The following SLC4A11 variants were observed in gnomAD, a reference collection of about 807,000 sequenced individuals.
The protein encoded by SLC4A11 is bicarbonate transporter related protein 1.
SLC4A11 carries 74 observed loss-of-function variants against 95.0 expected under a neutral mutation model. The ratio of observed to expected loss-of-function variants is 0.78; its 90% CI spans 0.65 to 0.95. The LOEUF (loss-of-function observed/expected upper bound fraction) is 0.95. Ranked by LOEUF, SLC4A11 falls within the 40% of genes least tolerant of loss-of-function variation. The pLI is 0.00. For synonymous variants in SLC4A11, 548 were observed against 519.0 expected (o/e 1.06, Z -0.76); for missense variants, 1,081 against 1,192.4 (o/e 0.91, Z 1.38).
At chr20:3,237,818 G>A in intron 1 of SLC4A11, 1 of 1,571,890 alleles carries the variant, frequency 6.4e-7, no homozygotes, top group South Asian at 1.1e-5. Flanking sequence ...CATCTGCTAG[G>A]GGCTGCCCAG....
chr20:3,228,144 C>CCCCAAA, intron 19 of SLC4A11, 115 bp downstream of exon 19: 15 of 718,206 alleles, frequency 2.1e-5, no homozygotes, highest in Non-Finnish European at 3.4e-5. Context: ...GCACCCACCC[C>CCCCAAA]AACCCGCCCA....
rs755419192 is a variant in SLC4A11, at chr20:3,234,655, C to G, written c.242-38G>C. 2.5e-6 allele frequency: 4 copies of G among 1,613,782 alleles called. No homozygotes were observed. The African/African-American group carries it at 5.3e-5, about 22-fold the overall frequency. ...AGCGGGGAGGGCTCAGGGTGCCACC[C>G]TCTCCTCAGGTCTTTCTTAGTAAGG... On this transcript the variant is annotated intron_variant, in intron 3 of 19. Coordinates refer to ENST00000642402, the MANE Select transcript of SLC4A11 (RefSeq NM_001174089.2). This position sits in a 1 kb window ranked among gnomAD's most constrained non-coding sequence, Gnocchi z 5.8.
Position 3,227,455 on chromosome 20 carries a change from G to A in SLC4A11, c.*332C>T, listed in dbSNP as rs759332731. ...ACAGGAGCTTTATTCTCTAATGTGC[G>A]TCCAGCAAGTTCCTTACACAATCAA... On this transcript the variant is annotated 3_prime_UTR_variant, in exon 20 of 20. Transcript: ENST00000642402. 1.9e-5 allele frequency: 7 copies of A among 365,212 alleles called. No individual in the cohort carries two copies. Among genetic ancestry groups the A allele is most frequent in the African/African-American group, 6.2e-5 (3 of 48,260 alleles). 22.6% of individuals were successfully genotyped at this position (365,212 alleles called of 1,614,324 possible). A position where few individuals can be genotyped will look rare whatever the true frequency, so the allele number is the denominator to read the frequency against.
At position 3,230,069 on chromosome 20, in the gene SLC4A11, T is replaced by A. The variant is rs910010636; in HGVS notation, c.1489+118A>T. ...CAAGGCTCCCAGAGCACCGCACCCT[T>A]GATCACGGGCACACACTCAGCTTGA... On this transcript the variant is annotated intron_variant, in intron 13 of 19. Coordinates refer to ENST00000642402, the MANE Select transcript of SLC4A11 (RefSeq NM_001174089.2). 4 of 1,305,656 alleles carry A rather than the reference T, an allele frequency of 3.1e-6. No individual in the cohort carries two copies. In the Admixed American group the frequency reaches 5.1e-5, roughly 17 times the overall value. 80.9% of individuals were successfully genotyped at this position (1,305,656 alleles called of 1,614,324 possible).
At chr20:3,229,497 C>T (rs2067677951) in intron 14 of SLC4A11, 27 bp downstream of exon 14, 1 of 1,612,676 alleles carries the variant, frequency 6.2e-7, no homozygotes, top group Non-Finnish European at 8.5e-7. Flanking sequence ...CCCATGCGGC[C>T]CCTCCCCTCC....
Position 3,227,693 on chromosome 20 carries a change from G to T in SLC4A11, c.*94C>A. ...CCATGAGAAGGCGCAGCACAGAGCA[G>T]TCACCCACACACCTACACCTCCCCT... On this transcript the variant is annotated 3_prime_UTR_variant, in exon 20 of 20. Coordinates refer to ENST00000642402, the MANE Select transcript of SLC4A11 (RefSeq NM_001174089.2). 1 of 1,359,748 alleles carries T rather than the reference G, an allele frequency of 7.4e-7. No individual in the cohort carries two copies. The highest frequency in any genetic ancestry group is 1.0e-6 in the Non-Finnish European group (1 of 970,482). The allele number at this position is 1,359,748 out of a possible 1,614,324, so 84.2% of individuals were successfully genotyped here.
rs200017060 is a variant in SLC4A11, at chr20:3,230,433, C to T, written c.1415+82G>A. The T allele has an allele frequency of 6.2e-4, 998 of 1,605,294 alleles. 15 individuals are homozygous for T. The South Asian group carries it at 9.4e-3, about 15-fold the overall frequency. ...TTGGGGCAGCAATATGGTGGGGGCACCCCCACCACCCTGGGGTTACAGGGG... is the reference window on the plus strand; with the variant it reads ...TTGGGGCAGCAATATGGTGGGGGCATCCCCACCACCCTGGGGTTACAGGGG... On this transcript the variant is annotated intron_variant, in intron 12 of 19. Coordinates refer to ENST00000642402, the MANE Select transcript of SLC4A11 (RefSeq NM_001174089.2).
intron 13 of SLC4A11, 23 bp downstream of exon 13, chr20:3,230,164 A>G (rs2067705518): frequency 6.2e-7 from 1 of 1,613,142 alleles, no homozygotes; most frequent in South Asian, 1.1e-5. Context: ...CCTGTTCAGC[A>G]GGTGGCCCCC....
chr20:3,239,275 C>A, upstream of SLC4A11: 1 of 1,193,716 alleles, frequency 8.4e-7, no homozygotes, highest in Non-Finnish European at 1.0e-6. Context: ...TAATGCCGCT[C>A]AGACGCCGCG....
In SLC4A11 at chr20:3,231,901, A is replaced by G. The variant is rs1319799156; in HGVS notation, c.730-353T>C. Among the ~76,000 whole-genome samples, 1 of 152,040 alleles carries G rather than the reference A, an allele frequency of 6.6e-6. No individual in the cohort carries two copies. Among genetic ancestry groups the G allele is most frequent in the Admixed American group, 6.6e-5 (1 of 15,264 alleles). ...TCAAACTCCTGGCCTCAAGCAATCCATCTGTCTAGGCCTCCCAAAGTGCTG... is the reference window on the plus strand; with the variant it reads ...TCAAACTCCTGGCCTCAAGCAATCCGTCTGTCTAGGCCTCCCAAAGTGCTG... On this transcript the variant is annotated intron_variant, in intron 7 of 19. Transcript: ENST00000642402. The surrounding 1 kb of genome is among the most constrained non-coding windows in gnomAD (Gnocchi z 5.2).
intron 1 of SLC4A11, 79 bp downstream of exon 1, chr20:3,239,016 C>G (rs2068075271): frequency 2.1e-6 from 3 of 1,428,820 alleles, no homozygotes; most frequent in East Asian, 6.2e-5. Flanking sequence ...CATCCGCGTT[C>G]TCCCCGGGGT....
intron 2 of SLC4A11, among the ~76,000 whole-genome samples, chr20:3,235,280 G>A (rs2067933552): frequency 9.9e-6 from 1 of 101,146 alleles, no homozygotes; most frequent in Admixed American, 1.0e-4. Flanking sequence ...CAGTATCCAC[G>A]TCTCTCTCTC....
chr20:3,227,976 AC>A, intron 19 of SLC4A11, 120 bp from the exon 20 acceptor site: 2 of 451,294 alleles, frequency 4.4e-6, no homozygotes, highest in Non-Finnish European at 6.2e-6. Context: ...CCGCCCGCCT[AC>A]CCCCAGCCCA....
intron 12 of SLC4A11, 50 bp downstream of exon 12, chr20:3,230,465 C>A: frequency 1.2e-6 from 2 of 1,612,804 alleles, no homozygotes; most frequent in Non-Finnish European, 1.7e-6. Flanking sequence ...GGGGGCTGAA[C>A]CAGATCCCAA....
Position 3,234,455 on chromosome 20 carries a change from G to A in SLC4A11, c.291+113C>T. Reference sequence around the variant, plus strand: ...CCTGGGCTGGTGCGAGCTCCCTGTTGAGCTGCTCCTGGAGGCATGGGAAGA... The same window carrying A: ...CCTGGGCTGGTGCGAGCTCCCTGTTAAGCTGCTCCTGGAGGCATGGGAAGA... On this transcript the variant is annotated intron_variant, in intron 4 of 19. Transcript: ENST00000642402. The surrounding 1 kb of genome is among the most constrained non-coding windows in gnomAD (Gnocchi z 5.8). 1 of 1,528,204 alleles carries A rather than the reference G, an allele frequency of 6.5e-7. No homozygotes were observed. Among genetic ancestry groups the A allele is most frequent in the Non-Finnish European group, 9.0e-7 (1 of 1,105,950 alleles). 94.7% of individuals were successfully genotyped at this position (1,528,204 alleles called of 1,614,324 possible).
Position 3,231,655 on chromosome 20 carries a change from TTGTTTTTTG to T in SLC4A11, c.730-116_730-108del, listed in dbSNP as rs2122563715. 9.4e-7 allele frequency: 1 copy of T among 1,063,886 alleles called. No individual in the cohort carries two copies. Among genetic ancestry groups the T allele is most frequent in the South Asian group, 1.3e-5 (1 of 75,322 alleles). 65.9% of individuals were successfully genotyped at this position (1,063,886 alleles called of 1,614,324 possible). On this transcript the variant is annotated intron_variant, in intron 7 of 19. Coordinates refer to ENST00000642402, the MANE Select transcript of SLC4A11 (RefSeq NM_001174089.2). The surrounding 1 kb of genome is among the most constrained non-coding windows in gnomAD (Gnocchi z 5.2). The stretch of plus-strand genomic sequence containing the variant: ...AACTGGCAGCAGGTTTTTTGTCTGT[TTGTTTTTTG>T]TGTTTTTTTGAGACAGGGTCTCACT...
At chr20:3,232,235 G>A (rs1433355761) in intron 7 of SLC4A11, among the ~76,000 whole-genome samples, 5 of 152,132 alleles carry the variant, frequency 3.3e-5, no homozygotes, top group Admixed American at 1.3e-4. Context: ...GTCCAAGCCC[G>A]TCAGGCACTC....
chr20:3,228,674 C>G lies in SLC4A11; in HGVS notation c.2226G>C (p.Ser742=). 6.2e-7 allele frequency: 1 copy of G among 1,612,902 alleles called. No homozygotes were observed. ...IVNVKETRLT[S]LGASVLVGLS... ...GGCCCACCAGGACGCTGGCGCCCAGCGAGGTCAGCCGCGTCTCCTTCACGT... is the reference window on the plus strand; with the variant it reads ...GGCCCACCAGGACGCTGGCGCCCAGGGAGGTCAGCCGCGTCTCCTTCACGT... The change falls in exon 18 of 20, where the codon TCG becomes TCC. Residue 742 remains serine (S), a synonymous_variant. Coordinates refer to ENST00000642402, the MANE Select transcript of SLC4A11 (RefSeq NM_001174089.2).
intron 1 of SLC4A11, chr20:3,238,381 A>T: frequency 1.0e-6 from 1 of 984,302 alleles, no homozygotes. Flanking sequence ...GGGGCGCAGG[A>T]TGTGAATGCA....
Sources: gnomAD v4.1 joint callset for allele counts (sites outside exome capture counted in the v4.1 genomes callset) on GRCh38, gnomAD v4.1.1 for gene constraint, Gnocchi (gnomAD v3.1) non-coding constraint, MANE v1.5 for transcripts, NCBI Gene and HGNC (gene_info 2026-07-23, HGNC 2026-07-21) for gene names.